Variants in TENM3 observed in about 807,000 individuals in gnomAD.
The protein encoded by TENM3 is teneurin transmembrane protein 3.
TENM3 carries 63 observed loss-of-function variants against 255.1 expected under a neutral mutation model. The observed-to-expected ratio is 0.25, with a 90% CI of 0.20 to 0.30. The LOEUF (loss-of-function observed/expected upper bound fraction) is 0.30. Among genes scored for constraint, TENM3 ranks in the 10% least tolerant of loss-of-function variants. TENM3 has a pLI of 1.00. For missense variants in TENM3, 2,929 were observed against 3,461.1 expected, an observed-to-expected ratio of 0.85 and a Z score of 3.86; for synonymous variants, 1,306 against 1,322.3, an observed-to-expected ratio of 0.99 and a Z score of 0.27.
chr4:181,582,077 A>G, the TENM3 span, among the ~76,000 whole-genome samples: 1 of 152,202 alleles, frequency 6.6e-6, no homozygotes, highest in African/African-American at 2.4e-5. Context: ...CTCAATGAGC[A>G]CAAGCTCATA....
At chr4:182,419,709 T>C (rs2151128707) in intron 3 of TENM3, among the ~76,000 whole-genome samples, 1 of 152,310 alleles carries the variant, frequency 6.6e-6, no homozygotes, top group Middle Eastern at 3.4e-3. Flanking sequence ...AATGAGTTCT[T>C]GTCCTTTGTA....
intron 3 of TENM3, among the ~76,000 whole-genome samples, chr4:182,586,844 T>C (rs1267111518): frequency 6.6e-6 from 1 of 152,154 alleles, no homozygotes; most frequent in Non-Finnish European, 1.5e-5. Context: ...AGAAATAACA[T>C]ATCAAATAAT....
At chr4:181,776,317 C>T in the TENM3 span, among the ~76,000 whole-genome samples, 1 of 151,990 alleles carries the variant, frequency 6.6e-6, no homozygotes, top group African/African-American at 2.4e-5. Context: ...TTTATTCATC[C>T]GTTGATGGAC....
intron 1 of TENM3, among the ~76,000 whole-genome samples, chr4:182,246,973 G>A (rs1757696516): frequency 6.6e-6 from 1 of 152,218 alleles, no homozygotes; most frequent in Non-Finnish European, 1.5e-5. Flanking sequence ...CTCTGCGGAG[G>A]CGATGCCCAC....
At position 182,557,968 on chromosome 4, in the gene TENM3, T is replaced by C. The variant is rs559852055; in HGVS notation, c.512-42956T>C. 9.8e-5 allele frequency among the ~76,000 whole-genome samples: 15 copies of C among 152,326 alleles called. No individual in the cohort carries two copies. In the South Asian group the frequency reaches 1.7e-3, roughly 17 times the overall value. On this transcript the variant is annotated intron_variant, in intron 3 of 27. Coordinates refer to ENST00000511685, the MANE Select transcript of TENM3 (RefSeq NM_001080477.4). ...CTAGTTTACTTCCCGCTTGATCTGA[T>C]TGATTCCGTTTCTTTGGAGTATTAG...
chr4:181,580,842 C>A, the TENM3 span, among the ~76,000 whole-genome samples: 2 of 152,062 alleles, frequency 1.3e-5, no homozygotes, highest in Non-Finnish European at 2.9e-5. Context: ...GTTGGTGGTG[C>A]CTGTAGGTTC....
At chr4:182,222,053 A>G (rs1437674623) in intron 1 of TENM3, among the ~76,000 whole-genome samples, 1 of 152,228 alleles carries the variant, frequency 6.6e-6, no homozygotes, top group African/African-American at 2.4e-5. Flanking sequence ...CAAGGCTTCC[A>G]TCAACCTCCA....
chr4:182,777,960 A>G (rs1286270339), intron 24 of TENM3, among the ~76,000 whole-genome samples: 1 of 152,054 alleles, frequency 6.6e-6, no homozygotes, highest in African/African-American at 2.4e-5. Context: ...GTGAAACAGT[A>G]CATTAGGGGA....
At chr4:182,705,395 G>GT (rs1312588666) in intron 12 of TENM3, among the ~76,000 whole-genome samples, 1 of 152,150 alleles carries the variant, frequency 6.6e-6, no homozygotes, top group African/African-American at 2.4e-5. Context: ...TATGATGTAC[G>GT]TATCTGATGT....
intron 24 of TENM3, among the ~76,000 whole-genome samples, chr4:182,788,654 T>C (rs1376147239): frequency 7.2e-5 from 11 of 152,228 alleles, no homozygotes; most frequent in Admixed American, 6.5e-4. Context: ...AACTTCTACT[T>C]AACTGCTCTT....
chr4:181,558,129 C>T, the TENM3 span, among the ~76,000 whole-genome samples: 2 of 152,138 alleles, frequency 1.3e-5, no homozygotes, highest in African/African-American at 4.8e-5. Context: ...TGAGAAAGTT[C>T]AGCTATTGAA....
At chr4:182,122,872 T>C in the TENM3 span, among the ~76,000 whole-genome samples, 1 of 152,192 alleles carries the variant, frequency 6.6e-6, no homozygotes, top group Non-Finnish European at 1.5e-5. Context: ...TCATCTACAT[T>C]GAAAATCTGT....
chr4:181,695,819 GGATC>G, the TENM3 span, among the ~76,000 whole-genome samples: 147 of 152,218 alleles, frequency 9.7e-4, no homozygotes, highest in African/African-American at 3.4e-3. Context: ...ACCATGTAAT[GGATC>G]GTTGGTCACA....
intron 1 of TENM3, among the ~76,000 whole-genome samples, chr4:182,194,203 T>G (rs1753699334): frequency 6.6e-6 from 1 of 152,200 alleles, no homozygotes; most frequent in African/African-American, 2.4e-5. Flanking sequence ...CACTTATTAG[T>G]GCAGGCAAAT....
At chr4:181,590,587 C>T in the TENM3 span, among the ~76,000 whole-genome samples, 1 of 152,168 alleles carries the variant, frequency 6.6e-6, no homozygotes, top group Non-Finnish European at 1.5e-5. Flanking sequence ...ATGTTTTGGT[C>T]TCTGACCAAT....
chr4:182,224,120 G>T (rs780039581), intron 1 of TENM3, among the ~76,000 whole-genome samples: 2 of 152,104 alleles, frequency 1.3e-5, no homozygotes, highest in Non-Finnish European at 2.9e-5. Flanking sequence ...AAGTATCTTC[G>T]GATAAATTTC....
the TENM3 span, among the ~76,000 whole-genome samples, chr4:181,953,228 T>A: frequency 1.3e-5 from 2 of 151,670 alleles, no homozygotes; most frequent in Non-Finnish European, 2.9e-5. Context: ...CTCTTATTAT[T>A]ATGTGCGATT....
chr4:182,124,921 ATCC>A, the TENM3 span, among the ~76,000 whole-genome samples: 1 of 151,844 alleles, frequency 6.6e-6, no homozygotes, highest in Non-Finnish European at 1.5e-5. Context: ...TGCCCAGCGC[ATCC>A]ACGCTGTGTG....
intron 3 of TENM3, among the ~76,000 whole-genome samples, chr4:182,564,998 T>A (rs1257437452): frequency 6.6e-6 from 1 of 152,248 alleles, no homozygotes; most frequent in East Asian, 1.9e-4. Context: ...AGTTCCCATT[T>A]GGTTTTTACC....
Sources: gnomAD v4.1 joint callset for allele counts (sites outside exome capture counted in the v4.1 genomes callset) on GRCh38, gnomAD v4.1.1 for gene constraint, MANE v1.5 for transcripts, NCBI Gene and HGNC (gene_info 2026-07-23, HGNC 2026-07-21) for gene names.